SMOC2: variants seen among roughly 807,000 people sequenced by gnomAD.
The protein encoded by SMOC2 is SPARC related modular calcium binding 2.
A neutral mutation model predicts 61.4 loss-of-function variants in SMOC2; 39 were observed. That is an observed-to-expected ratio of 0.64 (90% CI 0.49 to 0.83). The LOEUF (loss-of-function observed/expected upper bound fraction) is 0.83. Among genes scored for constraint, SMOC2 ranks in the 40% least tolerant of loss-of-function variants. SMOC2 has a pLI of 0.00. For synonymous variants in SMOC2, 247 were observed against 239.9 expected (o/e 1.03, Z -0.27); for missense variants, 556 against 592.9 (o/e 0.94, Z 0.65).
chr6:168,578,086 C>T lies in SMOC2; in HGVS notation c.638-20732C>T, dbSNP rs1405271828. Among the ~76,000 whole-genome samples the T allele has an allele frequency of 2.0e-5, 3 of 152,248 alleles. No individual in the cohort carries two copies. The East Asian group carries it at 5.8e-4, about 29-fold the overall frequency. On this transcript the variant is annotated intron_variant, in intron 7 of 12. Coordinates refer to ENST00000356284, the MANE Select transcript of SMOC2 (RefSeq NM_001166412.2). ...TAAAACCCAGGTACAATGACACCAG[C>T]TTCACAGGGTCCTGGGATTCTGTGA...
intron 2 of SMOC2, among the ~76,000 whole-genome samples, chr6:168,515,821 G>A (rs1406527970): frequency 6.6e-6 from 1 of 151,882 alleles, no homozygotes; most frequent in Non-Finnish European, 1.5e-5. Flanking sequence ...AGCAAATTGT[G>A]CTTCTGTTTC....
intron 1 of SMOC2, among the ~76,000 whole-genome samples, chr6:168,463,910 G>T (rs1781767844): frequency 6.6e-6 from 1 of 152,054 alleles, no homozygotes; most frequent in Admixed American, 6.5e-5. Flanking sequence ...TTGAAATCTG[G>T]CCAGGTGAGG....
At chr6:168,643,943 C>T (rs900874179) in intron 9 of SMOC2, among the ~76,000 whole-genome samples, 77 of 152,184 alleles carry the variant, frequency 5.1e-4, no homozygotes, top group African/African-American at 1.8e-3. Context: ...CTGTGAACCC[C>T]GTCACACATG....
At chr6:168,560,549 C>T (rs1005153567) in intron 7 of SMOC2, among the ~76,000 whole-genome samples, 3 of 142,814 alleles carry the variant, frequency 2.1e-5, no homozygotes, top group Middle Eastern at 3.2e-3. Context: ...TTTTCCTGCC[C>T]TGAGACACGA....
chr6:168,496,891 A>G (rs2115037739), intron 1 of SMOC2, among the ~76,000 whole-genome samples: 1 of 152,348 alleles, frequency 6.6e-6, no homozygotes, highest in Middle Eastern at 3.4e-3. Flanking sequence ...CGAAAATTCA[A>G]AGAATCTGTT....
chr6:168,586,545 A>T (rs1014282525), intron 7 of SMOC2, among the ~76,000 whole-genome samples: 1 of 152,196 alleles, frequency 6.6e-6, no homozygotes, highest in African/African-American at 2.4e-5. Flanking sequence ...TTTCGGTAGG[A>T]ATTATATGGG....
intron 4 of SMOC2, among the ~76,000 whole-genome samples, chr6:168,538,170 T>TGA (rs1783779217): frequency 8.3e-6 from 1 of 120,242 alleles, no homozygotes; most frequent in Non-Finnish European, 1.7e-5. Context: ...TGCTGGAATC[T>TGA]GGGGGAGTGG....
intron 2 of SMOC2, among the ~76,000 whole-genome samples, chr6:168,516,893 G>T (rs960941417): frequency 6.6e-6 from 1 of 152,162 alleles, no homozygotes; most frequent in Non-Finnish European, 1.5e-5. Flanking sequence ...GGTGGAGGTT[G>T]CAGTGAGCCC....
At chr6:168,606,011 T>G (rs115752459) in intron 8 of SMOC2, among the ~76,000 whole-genome samples, 3 of 152,172 alleles carry the variant, frequency 2.0e-5, no homozygotes, top group African/African-American at 4.8e-5. Context: ...ATTCGGCCCC[T>G]GAGACACTGA....
chr6:168,458,322 T>C (rs141246155), intron 1 of SMOC2, among the ~76,000 whole-genome samples: 5,383 of 151,142 alleles, frequency 0.036, 157 homozygotes, highest in South Asian at 0.13. Flanking sequence ...TCTGGGGGCA[T>C]CGTGCTGCCT....
At chr6:168,570,635 C>T (rs936125952) in intron 7 of SMOC2, among the ~76,000 whole-genome samples, 4 of 152,030 alleles carry the variant, frequency 2.6e-5, no homozygotes, top group Non-Finnish European at 5.9e-5. Context: ...CTACAATGGG[C>T]CTTGTTTCCA....
chr6:168,451,030 C>T (rs1353959354), intron 1 of SMOC2, among the ~76,000 whole-genome samples: 1 of 152,152 alleles, frequency 6.6e-6, no homozygotes, highest in African/African-American at 2.4e-5. Flanking sequence ...CCTGTTTCTT[C>T]CCGTGAATGG....
intron 9 of SMOC2, among the ~76,000 whole-genome samples, chr6:168,642,920 C>T (rs1786929888): frequency 6.6e-6 from 1 of 152,186 alleles, no homozygotes; most frequent in Non-Finnish European, 1.5e-5. Context: ...GCACCCCTTT[C>T]TGTGGCTGTA....
intron 7 of SMOC2, among the ~76,000 whole-genome samples, chr6:168,569,273 A>G (rs980417388): frequency 5.9e-5 from 9 of 152,218 alleles, no homozygotes; most frequent in Admixed American, 1.3e-4. Context: ...CAATCACCTA[A>G]TGACATAGGG....
intron 4 of SMOC2, among the ~76,000 whole-genome samples, chr6:168,528,847 G>A (rs1025321394): frequency 3.9e-5 from 6 of 152,200 alleles, no homozygotes; most frequent in African/African-American, 1.4e-4. Context: ...CAAACTCATG[G>A]AGGAAATGAA....
chr6:168,484,991 A>G (rs975774059), intron 1 of SMOC2, among the ~76,000 whole-genome samples: 1 of 152,214 alleles, frequency 6.6e-6, no homozygotes, highest in Non-Finnish European at 1.5e-5. Context: ...GTTGAGCTTT[A>G]CAAGTTGGAA....
In SMOC2 at chr6:168,441,353, C is replaced by A; in HGVS notation, c.-18C>A. 2 of 1,500,728 alleles carry A rather than the reference C, an allele frequency of 1.3e-6. No individual in the cohort carries two copies. The highest frequency in any genetic ancestry group is 2.5e-5 in the South Asian group (2 of 80,614). The allele number at this position is 1,500,728 out of a possible 1,614,324, so 93.0% of individuals were successfully genotyped here. A position where few individuals can be genotyped will look rare whatever the true frequency, so the allele number is the denominator to read the frequency against. On this transcript the variant is annotated 5_prime_UTR_variant, in exon 1 of 13. Transcript: ENST00000356284. Reference sequence around the variant, plus strand: ...CGCAGGACGCGGCCGATCTCCCGCTCCCGCCACCTCCGCCACCATGCTGCT... The same window carrying A: ...CGCAGGACGCGGCCGATCTCCCGCTACCGCCACCTCCGCCACCATGCTGCT...
chr6:168,642,181 G>A (rs1786906026), intron 9 of SMOC2, among the ~76,000 whole-genome samples: 1 of 152,214 alleles, frequency 6.6e-6, no homozygotes, highest in African/African-American at 2.4e-5. Context: ...GCCGGAGTGG[G>A]CTCAGAGACT....
At chr6:168,647,001 TC>T (rs77018482) in intron 9 of SMOC2, among the ~76,000 whole-genome samples, 21,401 of 152,106 alleles carry the variant, frequency 0.14, 1,715 homozygotes, top group East Asian at 0.21. Context: ...GGCTTATTAT[TC>T]CCCCCAGGAG....
Sources: allele counts gnomAD v4.1 joint callset (sites outside exome capture counted in the v4.1 genomes callset), GRCh38; gene constraint gnomAD v4.1.1; transcripts MANE v1.5; gene names NCBI Gene and HGNC (gene_info 2026-07-23, HGNC 2026-07-21).